ENTPD1: variants seen among roughly 807,000 people sequenced by gnomAD.
ENTPD1 encodes ATP diphosphohydrolase.
In ENTPD1, 33 loss-of-function variants were observed where a neutral mutation model predicts 57.0. The ratio of observed to expected loss-of-function variants is 0.58; its 90% CI spans 0.44 to 0.77. The LOEUF (loss-of-function observed/expected upper bound fraction) is 0.77, where lower values mean the gene tolerates loss of function less well. ENTPD1 is among the 30% of genes least tolerant of loss of function. The pLI, the probability that ENTPD1 is intolerant of heterozygous loss-of-function variation, is 0.00. For missense variants in ENTPD1, 501 were observed against 603.4 expected, an observed-to-expected ratio of 0.83 and a Z score of 1.78; for synonymous variants, 202 against 218.8, an observed-to-expected ratio of 0.92 and a Z score of 0.68.
chr10:95,787,186 A>T (rs905082853), intron 1 of ENTPD1, among the ~76,000 whole-genome samples: 1 of 152,168 alleles, frequency 6.6e-6, no homozygotes, highest in Non-Finnish European at 1.5e-5. Context: ...CCAGGAAAAG[A>T]GTTGAGGGAG....
chr10:95,831,228 C>T (rs779874785), intron 2 of ENTPD1, among the ~76,000 whole-genome samples: 2 of 152,194 alleles, frequency 1.3e-5, no homozygotes, highest in Non-Finnish European at 2.9e-5. Context: ...CAACTTCATA[C>T]ATGGAAAGAC....
intron 2 of ENTPD1, 149 bp downstream of exon 2, chr10:95,823,513 T>A: frequency 1.6e-6 from 2 of 1,214,824 alleles, no homozygotes; most frequent in Non-Finnish European, 2.3e-6. Flanking sequence ...ATTAGGGGAG[T>A]AAAATGGAAA....
At chr10:95,776,525 C>T (rs573536261) in intron 1 of ENTPD1, among the ~76,000 whole-genome samples, 65 of 152,338 alleles carry the variant, frequency 4.3e-4, no homozygotes, top group African/African-American at 1.5e-3. Flanking sequence ...GTCTGATGGG[C>T]TTCCCTTTGT....
At chr10:95,775,344 G>T (rs1012201092) in intron 1 of ENTPD1, among the ~76,000 whole-genome samples, 4 of 152,226 alleles carry the variant, frequency 2.6e-5, no homozygotes, top group East Asian at 3.9e-4. Flanking sequence ...GATTGCCCTG[G>T]CCAGAACTTC....
At chr10:95,781,859 C>T (rs140064113) in intron 1 of ENTPD1, among the ~76,000 whole-genome samples, 154 of 152,266 alleles carry the variant, frequency 1.0e-3, no homozygotes, top group African/African-American at 3.6e-3. Context: ...AGGTGCTCTC[C>T]CACTAAAGCA....
chr10:95,783,081 T>C (rs2098164401), intron 1 of ENTPD1, among the ~76,000 whole-genome samples: 1 of 152,068 alleles, frequency 6.6e-6, no homozygotes, highest in South Asian at 2.1e-4. Flanking sequence ...CCTAGGGAGT[T>C]TCTTTGAGGA....
intron 1 of ENTPD1, among the ~76,000 whole-genome samples, chr10:95,807,494 G>C (rs1380597565): frequency 6.6e-6 from 1 of 152,216 alleles, no homozygotes; most frequent in Non-Finnish European, 1.5e-5. Flanking sequence ...CCCTGCTTCA[G>C]CTCACCCTCT....
chr10:95,842,488 T>G lies in ENTPD1; in HGVS notation c.407T>G (p.Leu136Trp). 1 of 1,614,060 alleles carries G rather than the reference T, an allele frequency of 6.2e-7. No homozygotes were observed. Among genetic ancestry groups the G allele is most frequent in the Non-Finnish European group, 8.5e-7 (1 of 1,179,982 alleles). ...CTGGGAGCCACGGCAGGCATGCGGT[T>G]GCTCAGGTATAGCAGCATGTAGGGA... ...VYLGATAGMRLLRMESEELAD... is the reference protein window; with the variant it reads ...VYLGATAGMRWLRMESEELAD... The change falls in exon 4 of 10, where the codon TTG becomes TGG. Residue 136 changes from leucine (L) to tryptophan (W), a missense_variant. By Grantham distance (61) the Leu-to-Trp change is moderately conservative. Transcript: ENST00000371205.
chr10:95,732,642 T>C (rs1194265195), intron 1 of ENTPD1, among the ~76,000 whole-genome samples: 1 of 152,156 alleles, frequency 6.6e-6, no homozygotes, highest in East Asian at 1.9e-4. Flanking sequence ...TTCAACGTTA[T>C]TTCACGTAGG....
rs78200494 is a variant in ENTPD1, at chr10:95,837,699, A to T, written c.145-1992A>T. Among the ~76,000 whole-genome samples the T allele has an allele frequency of 3.4e-3, 513 of 152,138 alleles. 2 individuals are homozygous for T. Among genetic ancestry groups the T allele is most frequent in the African/African-American group, 0.012 (485 of 41,500 alleles). ...CTAGTGAAATGGAGTAGAGTTTGACACTCAATAGGCTCTACTTTTAGCTTT... is the reference window on the plus strand; with the variant it reads ...CTAGTGAAATGGAGTAGAGTTTGACTCTCAATAGGCTCTACTTTTAGCTTT... On this transcript the variant is annotated intron_variant, in intron 2 of 9. Transcript: ENST00000371205.
At chr10:95,749,150 A>G (rs1232165403) in intron 1 of ENTPD1, among the ~76,000 whole-genome samples, 4 of 152,136 alleles carry the variant, frequency 2.6e-5, no homozygotes, top group Non-Finnish European at 5.9e-5. Flanking sequence ...TTAGTCTTTC[A>G]TTATCTGGAA....
At chr10:95,811,290 G>A (rs1424010379) in intron 1 of ENTPD1, among the ~76,000 whole-genome samples, 1 of 152,206 alleles carries the variant, frequency 6.6e-6, no homozygotes, top group African/African-American at 2.4e-5. Flanking sequence ...GTAGCTGCTT[G>A]AGTTAATCAG....
intron 3 of ENTPD1, 147 bp downstream of exon 3, chr10:95,839,955 C>T (rs1048358475): frequency 2.1e-5 from 16 of 757,022 alleles, no homozygotes; most frequent in Middle Eastern, 3.5e-4. Context: ...GTTATGTTAT[C>T]GTTACAGAAA....
upstream of ENTPD1, chr10:95,753,869 A>G (rs1239619933): frequency 6.6e-6 from 1 of 151,938 alleles, no homozygotes; most frequent in African/African-American, 2.4e-5. Context: ...AGTGGTGCGC[A>G]TCTATAATCC....
intron 1 of ENTPD1, among the ~76,000 whole-genome samples, chr10:95,743,491 C>T (rs2098002533): frequency 6.6e-6 from 1 of 152,028 alleles, no homozygotes; most frequent in African/African-American, 2.4e-5. Flanking sequence ...GCTTTACCTC[C>T]TAGAGAGTGG....
chr10:95,756,115 A>G (rs931720798), upstream of ENTPD1: 1 of 1,533,182 alleles, frequency 6.5e-7, no homozygotes, highest in African/African-American at 1.4e-5. Context: ...AGCCCCTCCC[A>G]CGAGCCCAAG....
chr10:95,737,092 G>A (rs1391597128), intron 1 of ENTPD1, among the ~76,000 whole-genome samples: 1 of 152,138 alleles, frequency 6.6e-6, no homozygotes, highest in East Asian at 1.9e-4. Flanking sequence ...ATTTATGGGG[G>A]GTTAGGCAAA....
chr10:95,831,943 G>A (rs1268389458), intron 2 of ENTPD1, among the ~76,000 whole-genome samples: 1 of 152,092 alleles, frequency 6.6e-6, no homozygotes, highest in African/African-American at 2.4e-5. Flanking sequence ...TCTATTGTAG[G>A]CCCTGGCATA....
chr10:95,824,428 A>G (rs2140573200), intron 2 of ENTPD1, among the ~76,000 whole-genome samples: 1 of 152,232 alleles, frequency 6.6e-6, no homozygotes, highest in East Asian at 1.9e-4. Flanking sequence ...TGGGTGTCAC[A>G]CTGGCATCTT....
Sources: allele counts gnomAD v4.1 joint callset (sites outside exome capture counted in the v4.1 genomes callset), GRCh38; gene constraint gnomAD v4.1.1; transcripts MANE v1.5; gene names NCBI Gene and HGNC (gene_info 2026-07-23, HGNC 2026-07-21).